PTH2R: variants seen among roughly 807,000 people sequenced by gnomAD.
PTH2R encodes PTH2 receptor.
In PTH2R, 59 loss-of-function variants were observed where a neutral mutation model predicts 60.3. That is an observed-to-expected ratio of 0.98 (90% CI 0.79 to 1.22). The LOEUF is 1.22. PTH2R is among the 50% of genes most tolerant of loss of function. PTH2R has a pLI of 0.00. For missense variants in PTH2R, 749 were observed against 682.6 expected (o/e 1.10, Z -1.08); for synonymous variants, 256 against 243.8 (o/e 1.05, Z -0.47).
At chr2:208,396,802 C>G (rs1043724837) in intron 1 of PTH2R, among the ~76,000 whole-genome samples, 2 of 152,170 alleles carry the variant, frequency 1.3e-5, no homozygotes, top group African/African-American at 2.4e-5. Flanking sequence ...GATCCCATTA[C>G]AGGGTATATA....
intron 10 of PTH2R, among the ~76,000 whole-genome samples, chr2:208,482,071 C>G (rs1703165254): frequency 6.6e-6 from 1 of 152,152 alleles, no homozygotes; most frequent in Non-Finnish European, 1.5e-5. Context: ...TTTATAATCT[C>G]CAGTTAACTA....
chr2:208,491,982 G>T (rs1448376958), intron 12 of PTH2R, among the ~76,000 whole-genome samples: 1 of 152,190 alleles, frequency 6.6e-6, no homozygotes, highest in Non-Finnish European at 1.5e-5. Flanking sequence ...TGTCAGTCAG[G>T]TGTTGATTTG....
intron 12 of PTH2R, among the ~76,000 whole-genome samples, chr2:208,491,928 A>G (rs1008925370): frequency 1.3e-5 from 2 of 152,172 alleles, no homozygotes; most frequent in Non-Finnish European, 2.9e-5. Flanking sequence ...AGGGAGCTGG[A>G]CTTAAAGTGG....
At chr2:208,375,120 T>C (rs1338532146) in intron 1 of PTH2R, among the ~76,000 whole-genome samples, 1 of 152,144 alleles carries the variant, frequency 6.6e-6, no homozygotes, top group Non-Finnish European at 1.5e-5. Flanking sequence ...ATGAGATTTG[T>C]TTTTACTTTT....
intron 2 of PTH2R, among the ~76,000 whole-genome samples, chr2:208,432,819 G>C (rs1701999707): frequency 6.6e-6 from 1 of 152,176 alleles, no homozygotes; most frequent in Admixed American, 6.5e-5. Context: ...ACAGGGGAAA[G>C]ATGAAAACTC....
chr2:208,401,834 G>A (rs1345561689), upstream of PTH2R, among the ~76,000 whole-genome samples: 1 of 152,104 alleles, frequency 6.6e-6, no homozygotes, highest in Non-Finnish European at 1.5e-5. Flanking sequence ...GAACAGGACA[G>A]GATCATTATC....
chr2:208,385,968 G>T (rs772286184), intron 1 of PTH2R, among the ~76,000 whole-genome samples: 2 of 152,144 alleles, frequency 1.3e-5, no homozygotes, highest in Non-Finnish European at 2.9e-5. Context: ...ACAAATCTGG[G>T]CATTCATCAT....
chr2:208,459,892 C>T lies in PTH2R; in HGVS notation c.915-3C>T. ...TCATGACAGCTTTTTTTCAATGTCT[C>T]AGGTGCTGGGAACTTAGTGCTGGAG... is the stretch of plus-strand genomic sequence containing the variant. On this transcript the variant is annotated splice_polypyrimidine_tract_variant and splice_region_variant and intron_variant, in intron 8 of 12. Coordinates refer to ENST00000272847, the MANE Select transcript of PTH2R (RefSeq NM_005048.4). 6.2e-7 allele frequency: 1 copy of T among 1,611,614 alleles called. No homozygotes were observed. The highest frequency in any genetic ancestry group is 1.1e-5 in the South Asian group (1 of 90,562).
At chr2:208,402,188 A>C (rs933133882), upstream of PTH2R, among the ~76,000 whole-genome samples, 3 of 152,206 alleles carry the variant, frequency 2.0e-5, no homozygotes, top group Admixed American at 1.3e-4. Context: ...CAAAACACTT[A>C]AAAATGCCCT....
At position 208,487,682 on chromosome 2, in the gene PTH2R, A is replaced by T. The variant is rs573274964; in HGVS notation, c.1077-1330A>T. On this transcript the variant is annotated intron_variant, in intron 10 of 12. Coordinates refer to ENST00000272847, the MANE Select transcript of PTH2R (RefSeq NM_005048.4). ...TGGATCCCCTGCTTCAGGATCTCTT[A>T]CCAGGCTGCAATTGATTTGTCAGCT... 2.6e-5 allele frequency among the ~76,000 whole-genome samples: 4 copies of T among 152,288 alleles called. No homozygotes were observed. In the South Asian group the frequency reaches 8.3e-4, roughly 32 times the overall value.
At chr2:208,445,589 T>C (rs946431087) in intron 7 of PTH2R, among the ~76,000 whole-genome samples, 1 of 152,150 alleles carries the variant, frequency 6.6e-6, no homozygotes, top group African/African-American at 2.4e-5. Context: ...AGGTTGGAGA[T>C]TAACAGTTGC....
At chr2:208,376,962 T>G (rs1025697656) in intron 1 of PTH2R, among the ~76,000 whole-genome samples, 1 of 151,782 alleles carries the variant, frequency 6.6e-6, no homozygotes, top group Non-Finnish European at 1.5e-5. Flanking sequence ...GGAGGGAAGG[T>G]CAGCAGATAA....
Position 208,429,572 on chromosome 2 carries a change from T to C in PTH2R, c.178+1269T>C, listed in dbSNP as rs113835282. 8.2e-3 allele frequency among the ~76,000 whole-genome samples: 1,254 copies of C among 152,264 alleles called. 18 individuals are homozygous for C. Among genetic ancestry groups the C allele is most frequent in the African/African-American group, 0.028 (1,178 of 41,560 alleles). On this transcript the variant is annotated intron_variant, in intron 2 of 12. Transcript: ENST00000272847. ...AACACTAGTTTCCTTCTTTCTTGGT[T>C]AGTATCTGCCTTGTATATCTTTTCC... is the stretch of plus-strand genomic sequence containing the variant.
intron 9 of PTH2R, among the ~76,000 whole-genome samples, chr2:208,463,716 T>TA (rs1328979184): frequency 2.6e-5 from 4 of 152,228 alleles, no homozygotes; most frequent in African/African-American, 9.6e-5. Context: ...CACATTAACT[T>TA]AAAAAATGTC....
intron 1 of PTH2R, among the ~76,000 whole-genome samples, chr2:208,414,265 T>A (rs1701595717): frequency 6.6e-6 from 1 of 152,224 alleles, no homozygotes; most frequent in South Asian, 2.1e-4. Flanking sequence ...TTGTCCAAGA[T>A]GACAGTGCTC....
At position 208,493,412 on chromosome 2, in the gene PTH2R, C is replaced by T; in HGVS notation, c.1406C>T (p.Thr469Ile). The change falls in exon 13 of 13, where the codon ACA becomes ATA. Residue 469 changes from threonine to isoleucine, a missense_variant. By Grantham distance (89) the Thr-to-Ile change is moderately conservative. Transcript: ENST00000272847. ...TSSQSQVAAS[T>I]RMVLISGKAA... ...AGCCAGTCACAGGTGGCGGCCAGCA[C>T]ACGCATGGTGCTTATCTCTGGCAAA... 1 of 1,610,666 alleles carries T rather than the reference C, an allele frequency of 6.2e-7. No homozygotes were observed. The highest frequency in any genetic ancestry group is 1.3e-5 in the African/African-American group (1 of 75,012).
chr2:208,396,296 C>T (rs1236640308), intron 1 of PTH2R, among the ~76,000 whole-genome samples: 1 of 152,062 alleles, frequency 6.6e-6, no homozygotes, highest in South Asian at 2.1e-4. Context: ...GCAACAAAAG[C>T]CAAAATTGAC....
intron 1 of PTH2R, among the ~76,000 whole-genome samples, chr2:208,414,551 A>AT (rs963996299): frequency 1.3e-5 from 2 of 151,192 alleles, no homozygotes; most frequent in African/African-American, 4.9e-5. Context: ...AGGATAGTGA[A>AT]TTTTTTTTCA....
intron 9 of PTH2R, among the ~76,000 whole-genome samples, chr2:208,478,567 A>G (rs749819720): frequency 6.6e-6 from 1 of 152,118 alleles, no homozygotes; most frequent in Non-Finnish European, 1.5e-5. Flanking sequence ...GTGTCTCCTA[A>G]ATTGCTGAAT....
Sources: allele counts gnomAD v4.1 joint callset (sites outside exome capture counted in the v4.1 genomes callset), GRCh38; gene constraint gnomAD v4.1.1; transcripts MANE v1.5; gene names NCBI Gene and HGNC (gene_info 2026-07-23, HGNC 2026-07-21).